The following FAM133B variants were observed in gnomAD, a reference collection of about 807,000 sequenced individuals.
FAM133B encodes protein FAM133B.
A neutral mutation model predicts 46.4 loss-of-function variants in FAM133B; 25 were observed. The ratio of observed to expected loss-of-function variants is 0.54; its 90% CI spans 0.39 to 0.75. FAM133B has a LOEUF of 0.75. FAM133B is among the 30% of genes least tolerant of loss of function. The pLI is 0.00. For missense variants in FAM133B, 205 were observed against 277.6 expected (o/e 0.74, Z 1.86); for synonymous variants, 75 against 86.0 (o/e 0.87, Z 0.71).
chr7:92,581,942 T>C, intron 1 of FAM133B: 1 of 175,212 alleles, frequency 5.7e-6, no homozygotes, highest in Non-Finnish European at 1.2e-5. Context: ...GTATGTTCAC[T>C]AGAAAATTAA....
intron 9 of FAM133B, among the ~76,000 whole-genome samples, chr7:92,568,524 AT>A (rs745580425): frequency 0.052 from 6,181 of 118,158 alleles, 206 homozygotes; most frequent in African/African-American, 0.1. Flanking sequence ...CGCCTGGCTA[AT>A]TTTTTTTTTT....
intron 8 of FAM133B, among the ~76,000 whole-genome samples, chr7:92,575,253 A>G (rs1367974449): frequency 1.3e-5 from 2 of 152,214 alleles, no homozygotes; most frequent in Non-Finnish European, 1.5e-5. Context: ...AGGCAGGCGC[A>G]TCACCTGAGG....
intron 9 of FAM133B, among the ~76,000 whole-genome samples, chr7:92,569,074 C>T (rs561845461): frequency 1.1e-4 from 16 of 152,062 alleles, no homozygotes; most frequent in Non-Finnish European, 1.5e-4. Flanking sequence ...GAGGCTAATA[C>T]GGAAACGATT....
At chr7:92,577,041 T>C (rs1794721074) in intron 7 of FAM133B, 62 bp downstream of exon 7, 1 of 1,034,704 alleles carries the variant, frequency 9.7e-7, no homozygotes, top group South Asian at 2.2e-5. Flanking sequence ...AGAGCAACTT[T>C]AGGCAGAAAA....
At chr7:92,573,915 C>T (rs972934839) in intron 8 of FAM133B, among the ~76,000 whole-genome samples, 4 of 151,962 alleles carry the variant, frequency 2.6e-5, no homozygotes, top group Admixed American at 2.6e-4. Context: ...GTCTCACTCT[C>T]TCTCCCAGGA....
chr7:92,574,401 C>T (rs1266386235), intron 8 of FAM133B, among the ~76,000 whole-genome samples: 1 of 152,090 alleles, frequency 6.6e-6, no homozygotes, highest in East Asian at 1.9e-4. Flanking sequence ...TTAGAGGTTA[C>T]TAGAGAATGA....
chr7:92,576,114 C>T (rs527252517), intron 7 of FAM133B, among the ~76,000 whole-genome samples: 2 of 152,292 alleles, frequency 1.3e-5, no homozygotes, highest in East Asian at 3.9e-4. Flanking sequence ...CCTGTGTTTG[C>T]TTATGGTGGT....
intron 3 of FAM133B, among the ~76,000 whole-genome samples, chr7:92,578,817 G>C (rs1458115063): frequency 6.6e-6 from 1 of 152,106 alleles, no homozygotes; most frequent in Non-Finnish European, 1.5e-5. Flanking sequence ...AGGCTAAGGT[G>C]GGAAGATCGC....
intron 10 of FAM133B, among the ~76,000 whole-genome samples, chr7:92,563,912 T>C (rs983958491): frequency 2.6e-5 from 4 of 152,240 alleles, no homozygotes; most frequent in Non-Finnish European, 5.9e-5. Context: ...TTACTATCAC[T>C]GCTGTACAAA....
chr7:92,576,135 G>C (rs1481127625), intron 7 of FAM133B, among the ~76,000 whole-genome samples: 1 of 152,258 alleles, frequency 6.6e-6, no homozygotes, highest in Admixed American at 6.5e-5. Context: ...CACATGTACT[G>C]GAGTTGTATT....
At chr7:92,566,112 A>C in intron 9 of FAM133B, 51 bp from the exon 10 acceptor site, 1 of 1,559,844 alleles carries the variant, frequency 6.4e-7, no homozygotes, top group Non-Finnish European at 8.8e-7. Context: ...TGTAATTTGT[A>C]CTCAAGGCAT....
At chr7:92,578,274 C>G (rs1415926073) in intron 4 of FAM133B, 45 bp downstream of exon 4, 6 of 1,606,616 alleles carry the variant, frequency 3.7e-6, no homozygotes, top group Non-Finnish European at 4.3e-6. Flanking sequence ...TTATGAAAAT[C>G]CAACTATGAG....
At chr7:92,590,121 C>A (rs932661836) in intron 1 of FAM133B, 147 bp downstream of exon 1, 18 of 1,198,886 alleles carry the variant, frequency 1.5e-5, no homozygotes, top group Non-Finnish European at 2.0e-5. Context: ...GCACGCGCAT[C>A]TGGGATCGGC....
At chr7:92,576,760 C>T (rs1424703873) in intron 7 of FAM133B, among the ~76,000 whole-genome samples, 1 of 152,172 alleles carries the variant, frequency 6.6e-6, no homozygotes, top group Non-Finnish European at 1.5e-5. Flanking sequence ...GTAGAAAGGA[C>T]ATTGGACCAG....
At chr7:92,578,530 G>GA (rs773424749) in intron 3 of FAM133B, 137 bp from the exon 4 acceptor site, 1 of 766,882 alleles carries the variant, frequency 1.3e-6, no homozygotes, top group Non-Finnish European at 2.2e-6. Flanking sequence ...ACAGTCAAAA[G>GA]AAACACAGGT....
intron 2 of FAM133B, among the ~76,000 whole-genome samples, 191 bp downstream of exon 2, chr7:92,581,315 G>C (rs1168928548): frequency 6.6e-6 from 1 of 152,224 alleles, no homozygotes; most frequent in Non-Finnish European, 1.5e-5. Context: ...CTGGGTAGTG[G>C]GTTCTTAAAT....
chr7:92,575,798 CT>C lies in FAM133B; in HGVS notation c.488del (p.Lys163SerfsTer107). ...TTTCTTTCTCAGTTCCATCTTTTGA[CT>C]TCTTTTTCTTTTTTAAACTATCCTA... ...DSKDSLKKKK[K>X]SKDGTEKEKD... On this transcript the variant is annotated frameshift_variant, in exon 8 of 11. Coordinates refer to ENST00000445716, the MANE Select transcript of FAM133B (RefSeq NM_152789.4). LOFTEE classifies it high-confidence loss of function. The C allele has an allele frequency of 7.3e-7, 1 of 1,370,030 alleles. No individual in the cohort carries two copies. Among genetic ancestry groups the C allele is most frequent in the Non-Finnish European group, 1.0e-6 (1 of 968,562 alleles). 84.9% of individuals were successfully genotyped at this position (1,370,030 alleles called of 1,614,324 possible). A position where few individuals can be genotyped will look rare whatever the true frequency, so the allele number is the denominator to read the frequency against.
At position 92,590,326 on chromosome 7, in the gene FAM133B, G is replaced by A; in HGVS notation, c.-35C>T. The A allele has an allele frequency of 1.2e-6, 2 of 1,613,578 alleles. No homozygotes were observed. Among genetic ancestry groups the A allele is most frequent in the Non-Finnish European group, 8.5e-7 (1 of 1,179,694 alleles). On this transcript the variant is annotated 5_prime_UTR_variant, in exon 1 of 11. Coordinates refer to ENST00000445716, the MANE Select transcript of FAM133B (RefSeq NM_152789.4). ...TCGAGCGCACAGTAGCACGCCGAGG[G>A]AAACCGGGCCGGAGAGACTGCCGAA...
intron 8 of FAM133B, among the ~76,000 whole-genome samples, chr7:92,573,057 T>C (rs958885673): frequency 6.6e-6 from 1 of 151,794 alleles, no homozygotes; most frequent in African/African-American, 2.4e-5. Context: ...TATTCTGTTA[T>C]TTATGAACAC....
Sources: gnomAD v4.1 joint callset for allele counts (sites outside exome capture counted in the v4.1 genomes callset) on GRCh38, gnomAD v4.1.1 for gene constraint, MANE v1.5 for transcripts, NCBI Gene and HGNC (gene_info 2026-07-23, HGNC 2026-07-21) for gene names.